The following GDI2 variants were observed in gnomAD, a reference collection of about 807,000 sequenced individuals.
The protein encoded by GDI2 is rab GDP dissociation inhibitor beta.
In GDI2, 22 loss-of-function variants were observed where a neutral mutation model predicts 54.2. The ratio of observed to expected loss-of-function variants is 0.41; its 90% CI spans 0.29 to 0.58. GDI2 has a LOEUF of 0.58. Ranked by LOEUF, GDI2 falls within the 20% of genes least tolerant of loss-of-function variation. The pLI is 0.35. For missense variants in GDI2, 422 were observed against 546.0 expected, an observed-to-expected ratio of 0.77 and a Z score of 2.26; for synonymous variants, 177 against 182.1, an observed-to-expected ratio of 0.97 and a Z score of 0.23.
intron 4 of GDI2, among the ~76,000 whole-genome samples, chr10:5,791,938 A>C (rs997322420): frequency 1.1e-4 from 16 of 151,988 alleles, no homozygotes; most frequent in Middle Eastern, 3.4e-3. Flanking sequence ...TGAGCAGAAA[A>C]CATCTGGGAT....
At chr10:5,806,137 CTT>C (rs1245329410) in intron 1 of GDI2, among the ~76,000 whole-genome samples, 2 of 152,218 alleles carry the variant, frequency 1.3e-5, no homozygotes, top group Non-Finnish European at 2.9e-5. Context: ...CCAATTTACA[CTT>C]TTGTCCGCAG....
At chr10:5,785,579 T>G (rs990877867) in intron 5 of GDI2, among the ~76,000 whole-genome samples, 1 of 152,158 alleles carries the variant, frequency 6.6e-6, no homozygotes, top group Non-Finnish European at 1.5e-5. Flanking sequence ...TTTCACCATG[T>G]TGGCCAGGCT....
At chr10:5,785,051 A>T in intron 6 of GDI2, 91 bp downstream of exon 6, 2 of 793,050 alleles carry the variant, frequency 2.5e-6, no homozygotes, top group Non-Finnish European at 3.9e-6. Flanking sequence ...TCATAGACTG[A>T]TCTCATCTCA....
At chr10:5,810,374 C>T (rs1469233872) in intron 1 of GDI2, among the ~76,000 whole-genome samples, 1 of 152,168 alleles carries the variant, frequency 6.6e-6, no homozygotes, top group African/African-American at 2.4e-5. Context: ...TAACAAGACT[C>T]GTGAATTTAT....
At chr10:5,794,184 AAAAAATATATATATATAT>A (rs1261586865) in intron 4 of GDI2, among the ~76,000 whole-genome samples, 6 of 52,714 alleles carry the variant, frequency 1.1e-4, no homozygotes, top group African/African-American at 4.1e-4. Context: ...AAAAAAAAAA[AAAAAATATATATATATAT>A]ATATATATAT....
At chr10:5,783,442 C>T (rs1156584604) in intron 6 of GDI2, among the ~76,000 whole-genome samples, 1 of 152,158 alleles carries the variant, frequency 6.6e-6, no homozygotes, top group Non-Finnish European at 1.5e-5. Flanking sequence ...AGGCCATTTA[C>T]ATTCAACATT....
At position 5,766,402 on chromosome 10, in the gene GDI2, C is replaced by G; in HGVS notation, c.1136+92G>C. ...ATGAATCCCACAGAGCAGCCAGCAG[C>G]TACCTGCCTTGCCCTCACATTCGTC... On this transcript the variant is annotated intron_variant, in intron 9 of 10. Transcript: ENST00000380191. The surrounding 1 kb of genome is among the most constrained non-coding windows in gnomAD (Gnocchi z 5.8). 6.6e-7 allele frequency: 1 copy of G among 1,517,874 alleles called. No homozygotes were observed. The highest frequency in any genetic ancestry group is 9.2e-7 in the Non-Finnish European group (1 of 1,092,798). 94.0% of individuals were successfully genotyped at this position (1,517,874 alleles called of 1,614,324 possible).
chr10:5,798,280 GT>G (rs1841191777), intron 2 of GDI2, among the ~76,000 whole-genome samples: 1 of 152,296 alleles, frequency 6.6e-6, no homozygotes, highest in African/African-American at 2.4e-5. Context: ...AGCAAAATTA[GT>G]AAGTATTTAT....
In GDI2 at chr10:5,765,962, CA is replaced by C. The variant is rs1840315172; in HGVS notation, c.*43del. 2 of 1,484,788 alleles carry C rather than the reference CA, an allele frequency of 1.3e-6. No individual in the cohort carries two copies. Among genetic ancestry groups the C allele is most frequent in the Non-Finnish European group, 1.8e-6 (2 of 1,103,734 alleles). 92.0% of individuals were successfully genotyped at this position (1,484,788 alleles called of 1,614,324 possible). The stretch of plus-strand genomic sequence containing the variant: ...TGATTTCATTATATGCATTATTTGC[CA>C]AATTTTAAATGTGTCCTAATTACAT... On this transcript the variant is annotated 3_prime_UTR_variant, in exon 11 of 11. Transcript: ENST00000380191.
At position 5,813,396 on chromosome 10, in the gene GDI2, G is replaced by A. The variant is rs1841517748; in HGVS notation, c.-138C>T. ...AGAGGAAAATGGAGCTGGCGACAAG[G>A]CGAGACCGACCGCCACCTCAGACGG... On this transcript the variant is annotated 5_prime_UTR_variant, in exon 1 of 11. Transcript: ENST00000380191. 21 of 575,692 alleles carry A rather than the reference G, an allele frequency of 3.6e-5. No individual in the cohort carries two copies. The South Asian group carries it at 4.3e-4, about 12-fold the overall frequency. 35.7% of individuals were successfully genotyped at this position (575,692 alleles called of 1,614,324 possible).
At chr10:5,794,232 T>TATATATATATATATAA (rs1390834892) in intron 4 of GDI2, among the ~76,000 whole-genome samples, 1 of 97,410 alleles carries the variant, frequency 1.0e-5, no homozygotes, top group African/African-American at 4.0e-5. Flanking sequence ...TATATATATA[T>TATATATATATATATAA]AAAACTCACC....
rs573927164 is a variant in GDI2 at position 5,785,993 on chromosome 10, T to C, written c.446A>G (p.Asn149Ser). The change falls in exon 5 of 11, where the codon AAC becomes AGC. Residue 149 changes from asparagine to serine, a missense_variant. Coordinates refer to ENST00000380191, the MANE Select transcript of GDI2 (RefSeq NM_001494.4). ...RFRKFLVYVA[N>S]FDEKDPRTFE... ...AGTTCTTGGATCTTTTTCATCGAAGTTGGCAACATACACTAGGAATTTCCT... is the reference window on the plus strand; with the variant it reads ...AGTTCTTGGATCTTTTTCATCGAAGCTGGCAACATACACTAGGAATTTCCT... The C allele has an allele frequency of 4.3e-6, 7 of 1,613,718 alleles. No homozygotes were observed. The South Asian group carries it at 6.6e-5, about 15-fold the overall frequency.
chr10:5,792,383 T>G (rs1362192279), intron 4 of GDI2, among the ~76,000 whole-genome samples: 2 of 152,212 alleles, frequency 1.3e-5, no homozygotes, highest in Admixed American at 1.3e-4. Flanking sequence ...ATGCCTAGCA[T>G]GTAAGTGCTC....
chr10:5,786,900 C>T (rs1191149603), intron 4 of GDI2, among the ~76,000 whole-genome samples: 1 of 152,190 alleles, frequency 6.6e-6, no homozygotes, highest in African/African-American at 2.4e-5. Flanking sequence ...CCTACATAAG[C>T]AACCAATTCG....
intron 6 of GDI2, among the ~76,000 whole-genome samples, chr10:5,781,679 T>TA (rs768273488): frequency 6.5e-4 from 97 of 150,084 alleles, no homozygotes; most frequent in Non-Finnish European, 1.2e-3. Flanking sequence ...CTATAAACAT[T>TA]AAAAAAATTT....
At chr10:5,806,368 T>C (rs1424489411) in intron 1 of GDI2, among the ~76,000 whole-genome samples, 1 of 6,628 alleles carries the variant, frequency 1.5e-4, no homozygotes, top group Non-Finnish European at 8.1e-4. Flanking sequence ...TAAGCCCAGG[T>C]AACACAGTGA....
chr10:5,787,235 T>C (rs544521779), intron 4 of GDI2, among the ~76,000 whole-genome samples: 1 of 152,386 alleles, frequency 6.6e-6, no homozygotes, highest in East Asian at 1.9e-4. Flanking sequence ...CAGGTCGTAG[T>C]GGCTCACGCC....
At chr10:5,802,772 C>G (rs931362435) in intron 1 of GDI2, among the ~76,000 whole-genome samples, 1 of 152,076 alleles carries the variant, frequency 6.6e-6, no homozygotes, top group Non-Finnish European at 1.5e-5. Flanking sequence ...TCAGAGTAAA[C>G]CTTGTTTTCC....
chr10:5,777,479 A>G (rs547511991), intron 6 of GDI2, among the ~76,000 whole-genome samples: 4 of 152,330 alleles, frequency 2.6e-5, no homozygotes, highest in East Asian at 3.9e-4. Flanking sequence ...ATCTCAACAC[A>G]GTCATTTCTC....
Sources: gnomAD v4.1 joint callset for allele counts (sites outside exome capture counted in the v4.1 genomes callset) on GRCh38, gnomAD v4.1.1 for gene constraint, Gnocchi (gnomAD v3.1) non-coding constraint, MANE v1.5 for transcripts, NCBI Gene and HGNC (gene_info 2026-07-23, HGNC 2026-07-21) for gene names.